CACNA1E: variants seen among roughly 807,000 people sequenced by gnomAD.
CACNA1E encodes the protein voltage-dependent R-type calcium channel subunit alpha-1E.
In CACNA1E, 40 loss-of-function variants were observed where a neutral mutation model predicts 259.2. That is an observed-to-expected ratio of 0.15 (90% confidence interval 0.12 to 0.20). The LOEUF is 0.20. CACNA1E is among the 10% of genes least tolerant of loss of function. The pLI, the probability that CACNA1E is intolerant of heterozygous loss-of-function variation, is 1.00. For missense variants in CACNA1E, 1,874 were observed against 3,040.1 expected, an observed-to-expected ratio of 0.62 and a Z score of 9.02; for synonymous variants, 1,104 against 1,138.5, an observed-to-expected ratio of 0.97 and a Z score of 0.61.
rs770442548 is a variant in CACNA1E at position 181,726,151 on chromosome 1, G to A, written c.2229G>A (p.Met743Ile). The change falls in exon 18 of 48, where the codon ATG (methionine) becomes ATA (isoleucine). Residue 743 changes from methionine (M) to isoleucine (I), a missense_variant. By Grantham distance (10) the Met-to-Ile change is conservative. This residue lies in a region of CACNA1E where 476 missense variants were observed against 514.0 expected (regional missense o/e 0.93). Transcript: ENST00000367573. ...KEVSPMSAPN[M>I]PSIERDRRRR... ...TCAGCCCGATGTCTGCACCCAACAT[G>A]CCTTCGATCGAGTGAGTCAGCTGCC... 3.1e-6 allele frequency: 5 copies of A among 1,611,540 alleles called. No homozygotes were observed. The East Asian group carries it at 1.1e-4, about 36-fold the overall frequency.
chr1:181,416,617 C>T (rs76608651), intron 2 of CACNA1E, among the ~76,000 whole-genome samples: 2 of 152,168 alleles, frequency 1.3e-5, no homozygotes, highest in Admixed American at 6.5e-5. Flanking sequence ...GAGCCTCCCC[C>T]CAGGAATGCG....
chr1:181,444,323 G>A (rs1157560769), intron 2 of CACNA1E, among the ~76,000 whole-genome samples: 1 of 121,132 alleles, frequency 8.3e-6, no homozygotes, highest in Non-Finnish European at 1.7e-5. Context: ...GGTGGACTGT[G>A]CTATTAAAAA....
intron 1 of CACNA1E, among the ~76,000 whole-genome samples, chr1:181,344,697 A>G (rs1259055981): frequency 6.6e-6 from 1 of 152,202 alleles, no homozygotes; most frequent in Admixed American, 6.5e-5. Context: ...TCCACTTGAC[A>G]TGAATGTTGG....
intron 6 of CACNA1E, among the ~76,000 whole-genome samples, chr1:181,648,654 G>A (rs1042769873): frequency 2.0e-5 from 3 of 152,204 alleles, no homozygotes; most frequent in African/African-American, 7.2e-5. Flanking sequence ...CAGATCTCTA[G>A]CAATGAGAAC....
In CACNA1E at chr1:181,798,915, G is replaced by C. The variant is rs548572121; in HGVS notation, c.*81G>C. ...GAATTGGGAAGCCAGTGCGGCCCGG[G>C]GGGGAGGAAGAGGGAAAAGGAAGAT... On this transcript the variant is annotated 3_prime_UTR_variant, in exon 48 of 48. Coordinates refer to ENST00000367573, the MANE Select transcript of CACNA1E (RefSeq NM_001205293.3). This position sits in a 1 kb window ranked among gnomAD's most constrained non-coding sequence, Gnocchi z 4.2. 1.1e-4 allele frequency: 137 copies of C among 1,293,798 alleles called. No individual in the cohort carries two copies. The highest frequency in any genetic ancestry group is 1.8e-4 in the East Asian group (7 of 39,810). 80.1% of individuals were successfully genotyped at this position (1,293,798 alleles called of 1,614,324 possible). A position where few individuals can be genotyped will look rare whatever the true frequency, so the allele number is the denominator to read the frequency against.
chr1:181,406,772 G>A (rs1198057242), intron 1 of CACNA1E, among the ~76,000 whole-genome samples: 5 of 152,318 alleles, frequency 3.3e-5, no homozygotes, highest in East Asian at 1.9e-4. Context: ...GTTGGTGAGC[G>A]TGGAGTTGGG....
chr1:181,636,977 A>G (rs2792462), intron 6 of CACNA1E, among the ~76,000 whole-genome samples: 147,256 of 152,290 alleles, frequency 0.97, 71,387 homozygotes, highest in Non-Finnish European at 1. Context: ...TCCCCTCTTC[A>G]ATATGCACCC....
Position 181,732,786 on chromosome 1 carries a change from G to A in CACNA1E, c.2700G>A (p.Gly900=). The change falls in exon 20 of 48, where the codon GGG becomes GGA. Residue 900 remains glycine, a synonymous_variant. Transcript: ENST00000367573. This position sits in a 1 kb window ranked among gnomAD's most constrained non-coding sequence, Gnocchi z 5.5. ...GNCDPTQQEA[G]GGEAVVTFED... ...GTGACCCGACTCAGCAGGAGGCAGG[G>A]GGAGGAGAGGCTGTGGTGACCTTTG... 5 of 1,594,836 alleles carry A rather than the reference G, an allele frequency of 3.1e-6. No homozygotes were observed. The highest frequency in any genetic ancestry group is 4.3e-6 in the Non-Finnish European group (5 of 1,170,062).
intron 6 of CACNA1E, among the ~76,000 whole-genome samples, chr1:181,632,573 A>T (rs1236553094): frequency 6.6e-6 from 1 of 152,240 alleles, no homozygotes; most frequent in African/African-American, 2.4e-5. Context: ...AATGACAGTC[A>T]TAGCCCATAT....
chr1:181,523,892 G>C (rs761785271), intron 3 of CACNA1E, among the ~76,000 whole-genome samples: 1 of 152,206 alleles, frequency 6.6e-6, no homozygotes, highest in Non-Finnish European at 1.5e-5. Flanking sequence ...GTAGAAGTTA[G>C]ATACAATGCT....
intron 9 of CACNA1E, 91 bp from the exon 10 acceptor site, chr1:181,715,949 A>G: frequency 1.3e-6 from 1 of 782,986 alleles, no homozygotes; most frequent in South Asian, 1.5e-5. Context: ...GGCCTCACAC[A>G]AGGCATCTTG....
chr1:181,778,648 G>C (rs576932430), intron 38 of CACNA1E, among the ~76,000 whole-genome samples: 19 of 152,274 alleles, frequency 1.2e-4, no homozygotes, highest in Admixed American at 1.0e-3. Flanking sequence ...CCCTTCCATA[G>C]GAAGCTGGTA....
At position 181,802,537 on chromosome 1, in the gene CACNA1E, A is replaced by G. The variant is rs1017906074; in HGVS notation, c.*3703A>G. ...TGTTAGCGCTGATCCAGCTCCTGAG[A>G]TGGTTAATTCCACCCAATCCAAGCT... On this transcript the variant is annotated 3_prime_UTR_variant, in exon 48 of 48. Transcript: ENST00000367573. The G allele has an allele frequency of 1.3e-5, 2 of 152,138 alleles. No homozygotes were observed. The highest frequency in any genetic ancestry group is 2.9e-5 in the Non-Finnish European group (2 of 68,036). 9.4% of individuals were successfully genotyped at this position (152,138 alleles called of 1,614,324 possible).
intron 26 of CACNA1E, among the ~76,000 whole-genome samples, chr1:181,751,327 G>A (rs530031597): frequency 1.3e-5 from 2 of 152,312 alleles, no homozygotes; most frequent in East Asian, 1.9e-4. Flanking sequence ...GCTGACTAGG[G>A]AGGATCAATA....
intron 6 of CACNA1E, among the ~76,000 whole-genome samples, chr1:181,589,341 C>T (rs1194071479): frequency 6.6e-6 from 1 of 152,216 alleles, no homozygotes; most frequent in Non-Finnish European, 1.5e-5. Context: ...TCCATGAGGT[C>T]ATGCGTTATT....
chr1:181,338,273 A>C (rs1414123857), intron 1 of CACNA1E, among the ~76,000 whole-genome samples: 2 of 152,106 alleles, frequency 1.3e-5, no homozygotes, highest in Non-Finnish European at 1.5e-5. Context: ...TTTAGTAGAG[A>C]TGGAGTTTCG....
intron 3 of CACNA1E, among the ~76,000 whole-genome samples, chr1:181,566,357 A>G (rs1319035187): frequency 6.6e-6 from 1 of 152,196 alleles, no homozygotes; most frequent in African/African-American, 2.4e-5. Flanking sequence ...GGCTATATAA[A>G]CTGTGAAACA....
chr1:181,573,109 A>T (rs1446389958), intron 3 of CACNA1E, among the ~76,000 whole-genome samples: 1 of 152,134 alleles, frequency 6.6e-6, no homozygotes, highest in African/African-American at 2.4e-5. Flanking sequence ...TTAGCAATTT[A>T]ATTTTTTCTG....
intron 2 of CACNA1E, among the ~76,000 whole-genome samples, chr1:181,423,318 G>C (rs747804025): frequency 3.9e-5 from 6 of 152,200 alleles, no homozygotes; most frequent in Non-Finnish European, 8.8e-5. Context: ...TCAACAGTCA[G>C]TGCATATGAG....
Sources: gnomAD v4.1 joint callset for allele counts (sites outside exome capture counted in the v4.1 genomes callset) on GRCh38, gnomAD v4.1.1 for gene constraint, gnomAD v4.1.1 regional missense constraint, Gnocchi (gnomAD v3.1) non-coding constraint, MANE v1.5 for transcripts, NCBI Gene and HGNC (gene_info 2026-07-23, HGNC 2026-07-21) for gene names.